NRG3: variants seen among roughly 807,000 people sequenced by gnomAD.
The protein encoded by NRG3 is neuregulin 3.
A neutral mutation model predicts 66.9 loss-of-function variants in NRG3; 31 were observed. The ratio of observed to expected loss-of-function variants is 0.46; its 90% CI spans 0.35 to 0.63. NRG3 has a LOEUF of 0.63. NRG3 is among the 20% of genes least tolerant of loss of function. The pLI, the probability that NRG3 is intolerant of heterozygous loss-of-function variation, is 0.00. For synonymous variants in NRG3, 393 were observed against 359.4 expected (o/e 1.09, Z -1.06); for missense variants, 910 against 878.9 (o/e 1.04, Z -0.45).
chr10:82,442,405 C>G (rs2090477657), intron 2 of NRG3, among the ~76,000 whole-genome samples: 1 of 152,124 alleles, frequency 6.6e-6, no homozygotes, highest in Non-Finnish European at 1.5e-5. Context: ...AAGACGCATT[C>G]ACAGAGAAAT....
intron 1 of NRG3, among the ~76,000 whole-genome samples, chr10:81,998,342 T>C (rs1316063521): frequency 6.6e-6 from 1 of 152,214 alleles, no homozygotes; most frequent in Non-Finnish European, 1.5e-5. Flanking sequence ...TATATGACTC[T>C]AGACATTCCC....
intron 6 of NRG3, among the ~76,000 whole-genome samples, chr10:82,964,571 G>A (rs536769812): frequency 1.3e-5 from 2 of 152,192 alleles, no homozygotes; most frequent in South Asian, 4.2e-4. Flanking sequence ...AACAGCGGTC[G>A]AGTTGTTTTT....
At chr10:82,212,323 G>C (rs1373516474) in intron 1 of NRG3, among the ~76,000 whole-genome samples, 4 of 152,136 alleles carry the variant, frequency 2.6e-5, no homozygotes, top group Non-Finnish European at 5.9e-5. Context: ...ATTTTGTGGA[G>C]TTTCAATGAG....
intron 1 of NRG3, among the ~76,000 whole-genome samples, chr10:82,351,566 C>T (rs2083441402): frequency 6.6e-6 from 1 of 152,152 alleles, no homozygotes; most frequent in South Asian, 2.1e-4. Context: ...CCAGCATAGA[C>T]TCAGTTCTCT....
chr10:82,769,494 TAAA>T (rs1435718286), intron 3 of NRG3, among the ~76,000 whole-genome samples: 1 of 152,186 alleles, frequency 6.6e-6, no homozygotes, highest in East Asian at 1.9e-4. Context: ...ATTTCAATAT[TAAA>T]AAAATATTTT....
At chr10:82,014,370 G>A (rs989591280) in intron 1 of NRG3, among the ~76,000 whole-genome samples, 23 of 152,292 alleles carry the variant, frequency 1.5e-4, no homozygotes, top group African/African-American at 5.5e-4. Context: ...CCTGTCATAA[G>A]TGGCAGGCTC....
chr10:82,002,165 G>A (rs2061196097), intron 1 of NRG3, among the ~76,000 whole-genome samples: 2 of 152,042 alleles, frequency 1.3e-5, no homozygotes, highest in South Asian at 4.2e-4. Context: ...ACTTCACATT[G>A]ACCCCAGAAT....
intron 4 of NRG3, among the ~76,000 whole-genome samples, chr10:82,872,466 A>C (rs1373720305): frequency 6.6e-6 from 1 of 152,276 alleles, no homozygotes; most frequent in South Asian, 2.1e-4. Flanking sequence ...CTTACTGATC[A>C]GTCTCAAAAC....
chr10:82,180,967 T>A (rs1270873336), intron 1 of NRG3, among the ~76,000 whole-genome samples: 2 of 151,860 alleles, frequency 1.3e-5, no homozygotes, highest in African/African-American at 4.8e-5. Context: ...GTTATAGGTC[T>A]GTTCTGATTT....
At position 82,786,886 on chromosome 10, in the gene NRG3, C is replaced by T. The variant is rs533123872; in HGVS notation, c.1027+48236C>T. ...CTGATAAACAGACACCCTCCTCTGT[C>T]TCTCATGTTTGTGCTGTCTTGCCCT... On this transcript the variant is annotated intron_variant, in intron 3 of 8. Transcript: ENST00000372141. Among the ~76,000 whole-genome samples, 12 of 152,226 alleles carry T rather than the reference C, an allele frequency of 7.9e-5. No homozygotes were observed. In the South Asian group the frequency reaches 1.5e-3, roughly 18 times the overall value.
At position 82,645,124 on chromosome 10, in the gene NRG3, A is replaced by C. The variant is rs900584588; in HGVS notation, c.954-93453A>C. Among the ~76,000 whole-genome samples the C allele has an allele frequency of 7.9e-5, 12 of 152,196 alleles. No individual in the cohort carries two copies. The South Asian group carries it at 2.5e-3, about 32-fold the overall frequency. ...TTTCTTTTTTCTTCTAAACATCTTA[A>C]TGAGTCAGAAGTATCATGATAGAAA... On this transcript the variant is annotated intron_variant, in intron 2 of 8. Transcript: ENST00000372141.
chr10:82,136,358 C>G (rs2069343457), intron 1 of NRG3, among the ~76,000 whole-genome samples: 1 of 152,104 alleles, frequency 6.6e-6, no homozygotes, highest in Non-Finnish European at 1.5e-5. Flanking sequence ...CATTCAAGGC[C>G]CAAGGGCTCT....
intron 4 of NRG3, among the ~76,000 whole-genome samples, chr10:82,924,578 T>TG (rs1846792574): frequency 7.0e-6 from 1 of 142,416 alleles, no homozygotes; most frequent in South Asian, 2.2e-4. Flanking sequence ...TATCTCACAT[T>TG]AAAAAAAAAA....
At chr10:82,279,310 G>A (rs966179204) in intron 1 of NRG3, among the ~76,000 whole-genome samples, 1 of 152,122 alleles carries the variant, frequency 6.6e-6, no homozygotes, top group Non-Finnish European at 1.5e-5. Context: ...ATCAATGTCA[G>A]CACCTGCTGA....
intron 3 of NRG3, among the ~76,000 whole-genome samples, chr10:82,861,938 G>A (rs193228377): frequency 1.3e-5 from 2 of 152,226 alleles, no homozygotes; most frequent in African/African-American, 2.4e-5. Flanking sequence ...TGTAATGATA[G>A]GTAATCCTTA....
intron 2 of NRG3, among the ~76,000 whole-genome samples, chr10:82,418,763 A>G (rs2088826074): frequency 6.9e-6 from 1 of 144,644 alleles, no homozygotes; most frequent in South Asian, 2.1e-4. Context: ...TGCCCTGCTA[A>G]TATTTTTTTC....
chr10:82,268,543 C>G (rs547374856), intron 1 of NRG3, among the ~76,000 whole-genome samples: 6 of 152,174 alleles, frequency 3.9e-5, no homozygotes, highest in African/African-American at 1.2e-4. Context: ...TAAATCTATC[C>G]TCTTTCTTAT....
chr10:82,575,652 AAAAC>A (rs947168853), intron 2 of NRG3, among the ~76,000 whole-genome samples: 10 of 151,926 alleles, frequency 6.6e-5, no homozygotes, highest in African/African-American at 9.6e-5. Context: ...AAACGAACAC[AAAAC>A]AAACAAACAA....
intron 2 of NRG3, among the ~76,000 whole-genome samples, chr10:82,619,552 A>T (rs973345798): frequency 6.6e-6 from 1 of 152,210 alleles, no homozygotes; most frequent in Non-Finnish European, 1.5e-5. Context: ...GGTCTCCCTG[A>T]GATCACTCAC....
Sources: gnomAD v4.1 joint callset for allele counts (sites outside exome capture counted in the v4.1 genomes callset) on GRCh38, gnomAD v4.1.1 for gene constraint, MANE v1.5 for transcripts, NCBI Gene and HGNC (gene_info 2026-07-23, HGNC 2026-07-21) for gene names.